Variants in USP32 observed in about 807,000 individuals in gnomAD.
USP32 encodes the protein ubiquitin specific peptidase 32, also known as ubiquitin carboxyl-terminal hydrolase 32.
A neutral mutation model predicts 204.8 loss-of-function variants in USP32; 59 were observed. That is an observed-to-expected ratio of 0.29 (90% CI 0.23 to 0.36). The LOEUF is 0.36. USP32 is among the 10% of genes least tolerant of loss of function. USP32 has a pLI of 1.00. For synonymous variants in USP32, 517 were observed against 678.4 expected (o/e 0.76, Z 3.70); for missense variants, 1,160 against 1,946.4 (o/e 0.60, Z 7.60).
chr17:60,321,482 A>C (rs2088110269), intron 2 of USP32, among the ~76,000 whole-genome samples: 1 of 152,184 alleles, frequency 6.6e-6, no homozygotes, highest in Non-Finnish European at 1.5e-5. Flanking sequence ...ATCTGAAATC[A>C]CTCAGCACAT....
intron 12 of USP32, among the ~76,000 whole-genome samples, chr17:60,227,530 A>T (rs2085427699): frequency 6.6e-6 from 1 of 151,094 alleles, no homozygotes; most frequent in Non-Finnish European, 1.5e-5. Flanking sequence ...TGGGCCTCCC[A>T]AAGTGCTGGA....
At chr17:60,283,115 T>C (rs183976443) in intron 5 of USP32, among the ~76,000 whole-genome samples, 2 of 152,324 alleles carry the variant, frequency 1.3e-5, no homozygotes, top group East Asian at 3.9e-4. Context: ...AGCATCTGAA[T>C]TGGGCTTTGA....
rs552439567 is a variant in USP32 at position 60,226,371 on chromosome 17, T to C, written c.1240-140A>G. 7.2e-6 allele frequency: 5 copies of C among 691,150 alleles called. No homozygotes were observed. The South Asian group carries it at 8.9e-5, about 12-fold the overall frequency. The allele number at this position is 691,150 out of a possible 1,614,324, so 42.8% of individuals were successfully genotyped here. Reference sequence around the variant, plus strand: ...AGACATTTAAAAACATTCTAATACATAGCTATATTTTAATCTCTTTCAGGA... The same window carrying C: ...AGACATTTAAAAACATTCTAATACACAGCTATATTTTAATCTCTTTCAGGA... On this transcript the variant is annotated intron_variant, in intron 12 of 33. Transcript: ENST00000300896.
At chr17:60,295,390 A>T (rs939351803) in intron 3 of USP32, among the ~76,000 whole-genome samples, 11 of 152,254 alleles carry the variant, frequency 7.2e-5, no homozygotes, top group African/African-American at 2.7e-4. Context: ...TGACAAAATC[A>T]TCTGTATAGT....
rs1382473472 is a variant in USP32, at chr17:60,178,552, C to G, written c.*703G>C. ...AGGATGCTGTTTCTTTCTACTGGGT[C>G]TCCCACAAGGCTCTGGGTGGAAGGC... On this transcript the variant is annotated 3_prime_UTR_variant, in exon 34 of 34. Transcript: ENST00000300896. Among the ~76,000 whole-genome samples the G allele has an allele frequency of 6.6e-6, 1 of 152,200 alleles. No homozygotes were observed. Among genetic ancestry groups the G allele is most frequent in the Non-Finnish European group, 1.5e-5 (1 of 68,034 alleles).
chr17:60,368,608 T>C (rs1451220540), intron 1 of USP32, among the ~76,000 whole-genome samples: 2 of 151,930 alleles, frequency 1.3e-5, no homozygotes, highest in African/African-American at 4.8e-5. Flanking sequence ...AAAACCCACA[T>C]ACACACAAAA....
rs1367618461 is a variant in USP32 at position 60,376,680 on chromosome 17, C to T, written c.58+15202G>A. Among the ~76,000 whole-genome samples the T allele has an allele frequency of 5.9e-5, 9 of 151,992 alleles. No individual in the cohort carries two copies. In the South Asian group the frequency reaches 6.2e-4, roughly 11 times the overall value. Reference sequence around the variant, plus strand: ...CTGGGATTACAGGTGCCTGCCATCACGCCCAGCTAATTTTTGTATTTTTAG... The same window carrying T: ...CTGGGATTACAGGTGCCTGCCATCATGCCCAGCTAATTTTTGTATTTTTAG... On this transcript the variant is annotated intron_variant, in intron 1 of 33. Transcript: ENST00000300896.
chr17:60,239,617 TC>T lies in USP32; in HGVS notation c.1137-3378del, dbSNP rs201508817. On this transcript the variant is annotated intron_variant, in intron 11 of 33. Transcript: ENST00000300896. ...ATGGAGAACCCCTCTAATAGATTTCTCATTTCAGTTATTGTAGTTTTCAGCT... is the reference window on the plus strand; with the variant it reads ...ATGGAGAACCCCTCTAATAGATTTCTATTTCAGTTATTGTAGTTTTCAGCT... Among the ~76,000 whole-genome samples the T allele has an allele frequency of 9.8e-3, 1,493 of 152,362 alleles. 16 individuals carry two copies. The highest frequency in any genetic ancestry group is 0.016 in the Non-Finnish European group (1,117 of 68,040).
chr17:60,338,808 T>C lies in USP32; in HGVS notation c.186+6673A>G, dbSNP rs188434323. On this transcript the variant is annotated intron_variant, in intron 2 of 33. Coordinates refer to ENST00000300896, the MANE Select transcript of USP32 (RefSeq NM_032582.4). ...ATTTTTCATTTATTTTCCATTTACC[T>C]TGTTTTCTCAATCCCCTCAAATTCT... Among the ~76,000 whole-genome samples the C allele has an allele frequency of 3.1e-3, 465 of 152,334 alleles. 7 individuals are homozygous for C. The highest frequency in any genetic ancestry group is 0.019 in the Admixed American group (298 of 15,296).
intron 2 of USP32, among the ~76,000 whole-genome samples, chr17:60,316,601 G>T (rs968090416): frequency 6.6e-6 from 1 of 152,122 alleles, no homozygotes; most frequent in Non-Finnish European, 1.5e-5. Context: ...AACACTTTGG[G>T]AGGCTGAGAC....
intron 2 of USP32, among the ~76,000 whole-genome samples, chr17:60,321,592 A>G (rs1180679452): frequency 6.6e-6 from 1 of 152,232 alleles, no homozygotes; most frequent in Admixed American, 6.5e-5. Context: ...AGGCTTTAGA[A>G]CAGCTATTAC....
chr17:60,345,732 A>G (rs1175002509), intron 1 of USP32, 124 bp from the exon 2 acceptor site: 2 of 1,281,970 alleles, frequency 1.6e-6, no homozygotes, highest in Admixed American at 2.1e-5. Flanking sequence ...CTATAATCCC[A>G]GTACTTTGGA....
rs2090130550 is a variant in USP32, at chr17:60,422,341, AC to A, written c.10del (p.Val4SerfsTer27). 2.2e-6 allele frequency: 2 copies of A among 905,026 alleles called. No homozygotes were observed. Among genetic ancestry groups the A allele is most frequent in the Non-Finnish European group, 3.1e-6 (2 of 643,846 alleles). The allele number at this position is 905,026 out of a possible 1,614,324, so 56.1% of individuals were successfully genotyped here. A position where few individuals can be genotyped will look rare whatever the true frequency, so the allele number is the denominator to read the frequency against. ...TGCGCTCTGCCAAAGTCTTCGCTCG[AC>A]CCCGCACATCTTGCTCCGTTCCCTA... is the stretch of plus-strand genomic sequence containing the variant. On this transcript the variant is annotated frameshift_variant, in exon 1 of 4. Coordinates refer to the USP32 transcript ENST00000588898. LOFTEE classifies it high-confidence loss of function.
At chr17:60,232,053 G>A (rs538569515) in intron 12 of USP32, among the ~76,000 whole-genome samples, 2 of 151,838 alleles carry the variant, frequency 1.3e-5, no homozygotes, top group East Asian at 1.9e-4. Flanking sequence ...AGTAATATTC[G>A]TAAGTAAATA....
At chr17:60,370,422 T>C (rs1013321925) in intron 1 of USP32, among the ~76,000 whole-genome samples, 2 of 152,086 alleles carry the variant, frequency 1.3e-5, no homozygotes, top group Non-Finnish European at 2.9e-5. Context: ...TAATACCAAA[T>C]GCTGAAAGGG....
chr17:60,264,825 ACT>A (rs2145762454), intron 9 of USP32, among the ~76,000 whole-genome samples: 1 of 137,362 alleles, frequency 7.3e-6, no homozygotes, highest in South Asian at 2.3e-4. Context: ...CTGTCAGTGC[ACT>A]CCAGGCTGGG....
chr17:60,218,750 C>T (rs1025200886), intron 16 of USP32, among the ~76,000 whole-genome samples: 5 of 152,128 alleles, frequency 3.3e-5, no homozygotes, highest in African/African-American at 1.2e-4. Flanking sequence ...ATTACAGCAC[C>T]ACCACGCCCA....
chr17:60,247,272 C>T (rs918444057), intron 11 of USP32, among the ~76,000 whole-genome samples: 8 of 151,942 alleles, frequency 5.3e-5, no homozygotes, highest in African/African-American at 1.9e-4. Context: ...CTCCACCTCC[C>T]GGTTTCAAGC....
At chr17:60,210,144 GGTAA>G (rs2084923422) in intron 21 of USP32, among the ~76,000 whole-genome samples, 1 of 151,860 alleles carries the variant, frequency 6.6e-6, no homozygotes, top group Non-Finnish European at 1.5e-5. Flanking sequence ...CCTGGCAAGA[GGTAA>G]GTAGTCAAAT....
Sources: allele counts gnomAD v4.1 joint callset (sites outside exome capture counted in the v4.1 genomes callset), GRCh38; gene constraint gnomAD v4.1.1; transcripts MANE v1.5; gene names NCBI Gene and HGNC (gene_info 2026-07-23, HGNC 2026-07-21).